The following MLLT10 variants were observed in gnomAD, a reference collection of about 807,000 sequenced individuals.
MLLT10 encodes the protein protein AF-10.
In MLLT10, 30 loss-of-function variants were observed where a neutral mutation model predicts 129.1. The observed-to-expected ratio is 0.23, with a 90% CI of 0.17 to 0.32. The LOEUF is 0.32. MLLT10 is among the 10% of genes least tolerant of loss of function. The pLI, the probability that MLLT10 is intolerant of heterozygous loss-of-function variation, is 1.00. For synonymous variants in MLLT10, 490 were observed against 446.4 expected (o/e 1.10, Z -1.23); for missense variants, 1,119 against 1,268.3 (o/e 0.88, Z 1.79).
intron 3 of MLLT10, among the ~76,000 whole-genome samples, chr10:21,568,221 C>A (rs12784277): frequency 2.6e-5 from 4 of 152,022 alleles, no homozygotes; most frequent in Admixed American, 2.0e-4. Flanking sequence ...AAGAGAATAC[C>A]CAGGGAATTT....
chr10:21,617,896 G>T (rs746444249), intron 8 of MLLT10, among the ~76,000 whole-genome samples: 5 of 152,048 alleles, frequency 3.3e-5, no homozygotes, highest in African/African-American at 1.2e-4. Context: ...GGTGGTGGGC[G>T]CCTGTAGTCC....
At chr10:21,741,448 C>T (rs1833606951) in intron 22 of MLLT10, among the ~76,000 whole-genome samples, 1 of 152,154 alleles carries the variant, frequency 6.6e-6, no homozygotes, top group Non-Finnish European at 1.5e-5. Context: ...TTGCTTAGTA[C>T]CCTGCTATGT....
At chr10:21,681,414 G>T (rs1452313771) in intron 12 of MLLT10, 38 bp downstream of exon 12, 19 of 1,395,246 alleles carry the variant, frequency 1.4e-5, no homozygotes, top group African/African-American at 5.7e-5. Flanking sequence ...CGGGCCTTTT[G>T]TCTCCTCTAG....
At chr10:21,605,956 G>A (rs1031946769) in intron 5 of MLLT10, among the ~76,000 whole-genome samples, 2 of 151,600 alleles carry the variant, frequency 1.3e-5, no homozygotes, top group South Asian at 2.1e-4. Flanking sequence ...GAAGTTTTGC[G>A]GCAACCCTGG....
intron 3 of MLLT10, among the ~76,000 whole-genome samples, chr10:21,585,434 T>A (rs2041899063): frequency 2.0e-5 from 3 of 152,170 alleles, no homozygotes; most frequent in Non-Finnish European, 1.5e-5. Context: ...ACAATAAATT[T>A]TGAGTACTAT....
At chr10:21,656,961 T>C (rs2049651547) in intron 9 of MLLT10, among the ~76,000 whole-genome samples, 1 of 152,198 alleles carries the variant, frequency 6.6e-6, no homozygotes, top group African/African-American at 2.4e-5. Flanking sequence ...AGTCCTTTAA[T>C]ATGACAAAAC....
At chr10:21,613,165 G>A (rs2044830475) in intron 6 of MLLT10, among the ~76,000 whole-genome samples, 1 of 123,160 alleles carries the variant, frequency 8.1e-6, no homozygotes, top group African/African-American at 3.2e-5. Flanking sequence ...TTGAACTCCA[G>A]CCTGGCGACA....
intron 14 of MLLT10, among the ~76,000 whole-genome samples, chr10:21,722,886 T>G (rs2057232324): frequency 6.6e-6 from 1 of 152,208 alleles, no homozygotes; most frequent in Non-Finnish European, 1.5e-5. Context: ...CGTTCATGAT[T>G]TCAGTTTCCC....
At chr10:21,580,791 T>G (rs541666554) in intron 3 of MLLT10, among the ~76,000 whole-genome samples, 34 of 151,576 alleles carry the variant, frequency 2.2e-4, no homozygotes, top group African/African-American at 7.0e-4. Flanking sequence ...AACCTCTGCC[T>G]CCTGGGTTCA....
At chr10:21,636,111 C>T (rs1321306728) in intron 8 of MLLT10, among the ~76,000 whole-genome samples, 3 of 151,848 alleles carry the variant, frequency 2.0e-5, no homozygotes, top group Non-Finnish European at 4.4e-5. Context: ...CTGTCTTTTG[C>T]ATGGGTTTTG....
Position 21,699,056 on chromosome 10 carries a change from G to T in MLLT10, c.1700-14716G>T, listed in dbSNP as rs546771116. Among the ~76,000 whole-genome samples, 6 of 152,194 alleles carry T rather than the reference G, an allele frequency of 3.9e-5. No individual in the cohort carries two copies. The South Asian group carries it at 1.2e-3, about 32-fold the overall frequency. On this transcript the variant is annotated intron_variant, in intron 13 of 22. Transcript: ENST00000307729. The stretch of plus-strand genomic sequence containing the variant: ...TGCCCAGCTAATTTTTGTACTTTTA[G>T]TAGATACAGGGTTTTGCCATGTTGG...
At position 21,733,564 on chromosome 10, in the gene MLLT10, C is replaced by A; in HGVS notation, c.2468C>A (p.Pro823His). The A allele has an allele frequency of 1.3e-6, 2 of 1,574,402 alleles. No individual in the cohort carries two copies. The highest frequency in any genetic ancestry group is 1.7e-6 in the Non-Finnish European group (2 of 1,164,576). Residue 823 changes from proline to histidine, a missense_variant, in exon 19 of 23, where the codon CCT becomes CAT. This residue lies in a region of MLLT10 where 1,004 missense variants were observed against 1,008.7 expected (regional missense o/e 1.00). Coordinates refer to ENST00000307729, the MANE Select transcript of MLLT10 (RefSeq NM_001195626.3). ...CCTCATATAGGAAACAGCTTTTTAC[C>A]TGATAATTCTCTTCCTGTATTAAAT... ...KSPHIGNSFL[P>H]DNSLPVLNQD...
intron 13 of MLLT10, among the ~76,000 whole-genome samples, chr10:21,693,802 T>A (rs2054108593): frequency 6.6e-6 from 1 of 152,210 alleles, no homozygotes; most frequent in Admixed American, 6.5e-5. Context: ...TAATTTCCAT[T>A]TTTTAAATCT....
At chr10:21,536,171 C>A (rs2033961137) in intron 2 of MLLT10, among the ~76,000 whole-genome samples, 1 of 152,198 alleles carries the variant, frequency 6.6e-6, no homozygotes, top group African/African-American at 2.4e-5. Flanking sequence ...AAATTCCTGA[C>A]CTCAGGTGAT....
At chr10:21,567,886 C>G (rs1300570873) in intron 3 of MLLT10, among the ~76,000 whole-genome samples, 2 of 149,702 alleles carry the variant, frequency 1.3e-5, no homozygotes, top group Non-Finnish European at 3.0e-5. Context: ...GTGGTGCGAT[C>G]TCTGCTCACT....
chr10:21,634,536 T>G (rs1379695479), intron 8 of MLLT10, among the ~76,000 whole-genome samples: 1 of 152,244 alleles, frequency 6.6e-6, no homozygotes, highest in Non-Finnish European at 1.5e-5. Flanking sequence ...AGATATTACT[T>G]GAGGCTTTGA....
At chr10:21,634,514 C>T (rs2047284502) in intron 8 of MLLT10, among the ~76,000 whole-genome samples, 1 of 152,202 alleles carries the variant, frequency 6.6e-6, no homozygotes, top group Non-Finnish European at 1.5e-5. Flanking sequence ...GTGAAGCTTT[C>T]ATTTCCCTGT....
chr10:21,734,187 A>G (rs1409835630), intron 20 of MLLT10, 58 bp downstream of exon 20: 25 of 1,516,896 alleles, frequency 1.6e-5, no homozygotes, highest in East Asian at 2.3e-5. Context: ...GGTGTTGTCT[A>G]TGCCTTAGAT....
At chr10:21,714,018 G>A in intron 14 of MLLT10, 68 bp downstream of exon 14, 1 of 1,399,716 alleles carries the variant, frequency 7.1e-7, no homozygotes. Context: ...AGTTTTGTTG[G>A]AGGAGAAACA....
Sources: allele counts gnomAD v4.1 joint callset (sites outside exome capture counted in the v4.1 genomes callset), GRCh38; gene constraint gnomAD v4.1.1; regional missense constraint gnomAD v4.1.1; transcripts MANE v1.5; gene names NCBI Gene and HGNC (gene_info 2026-07-23, HGNC 2026-07-21).